The following NAALADL2 variants were observed in gnomAD, a reference collection of about 807,000 sequenced individuals.
The protein encoded by NAALADL2 is inactive N-acetylated-alpha-linked acidic dipeptidase-like protein 2.
Under a neutral mutation model 87.2 loss-of-function variants are expected in NAALADL2, and 76 were observed. That is an observed-to-expected ratio of 0.87 (90% CI 0.72 to 1.05). NAALADL2 has a LOEUF of 1.05. NAALADL2 is among the 50% of genes least tolerant of loss of function. The pLI, the probability that NAALADL2 is intolerant of heterozygous loss-of-function variation, is 0.00. For missense variants in NAALADL2, 1,089 were observed against 945.8 expected (o/e 1.15, Z -1.99); for synonymous variants, 354 against 331.0 (o/e 1.07, Z -0.75).
chr3:174,721,780 T>A lies in NAALADL2; in HGVS notation c.-114-15861T>A, dbSNP rs535438274. On this transcript the variant is annotated intron_variant, in intron 2 of 3. Transcript: ENST00000434257. Reference sequence around the variant, plus strand: ...CAGCCCAGAATACCGCAGGGTCACGTGGAGCACCAGCTGGAGTGTGCAAGG... The same window carrying A: ...CAGCCCAGAATACCGCAGGGTCACGAGGAGCACCAGCTGGAGTGTGCAAGG... Among the ~76,000 whole-genome samples the A allele has an allele frequency of 7.2e-5, 11 of 152,240 alleles. No homozygotes were observed. The South Asian group carries it at 1.9e-3, about 26-fold the overall frequency.
intron 4 of NAALADL2, among the ~76,000 whole-genome samples, chr3:175,303,783 GAA>G (rs543760472): frequency 1.3e-5 from 2 of 151,994 alleles, no homozygotes; most frequent in Non-Finnish European, 2.9e-5. Context: ...CAGTTTCTGT[GAA>G]AAAAATTTAC....
chr3:175,777,184 G>C (rs1280537091), intron 13 of NAALADL2, among the ~76,000 whole-genome samples: 2 of 151,640 alleles, frequency 1.3e-5, no homozygotes, highest in East Asian at 3.9e-4. Context: ...CTTTTTTTCT[G>C]TCATCTGTGA....
At chr3:175,009,019 A>G (rs1367490191) in intron 1 of NAALADL2, among the ~76,000 whole-genome samples, 2 of 152,206 alleles carry the variant, frequency 1.3e-5, no homozygotes, top group Non-Finnish European at 2.9e-5. Context: ...TGTAAAATCA[A>G]TCTGATGATG....
intron 10 of NAALADL2, among the ~76,000 whole-genome samples, chr3:175,589,222 G>T (rs926690762): frequency 2.0e-5 from 3 of 152,120 alleles, no homozygotes; most frequent in Admixed American, 2.0e-4. Flanking sequence ...ATCTTGCAGA[G>T]ATAACCCTGC....
chr3:174,955,057 A>C (rs1579707223), intron 1 of NAALADL2, among the ~76,000 whole-genome samples: 4 of 152,138 alleles, frequency 2.6e-5, no homozygotes, highest in African/African-American at 9.7e-5. Context: ...ACCTTTAGGA[A>C]ACGTAATTGA....
chr3:175,673,070 G>A (rs563709670), intron 11 of NAALADL2, among the ~76,000 whole-genome samples: 1 of 152,206 alleles, frequency 6.6e-6, no homozygotes, highest in African/African-American at 2.4e-5. Context: ...ATCTGCTCTT[G>A]CAAGGTTATT....
chr3:175,162,207 A>G (rs1377295538), intron 2 of NAALADL2, among the ~76,000 whole-genome samples: 1 of 152,180 alleles, frequency 6.6e-6, no homozygotes, highest in African/African-American at 2.4e-5. Flanking sequence ...AGGAATTAGT[A>G]TCATATTACC....
intron 13 of NAALADL2, among the ~76,000 whole-genome samples, chr3:175,795,675 T>A (rs9862412): frequency 0.025 from 3,789 of 148,946 alleles, 167 homozygotes; most frequent in African/African-American, 0.092. Flanking sequence ...ATAGCGAGAC[T>A]CTGTCTCAAA....
chr3:175,330,772 C>T (rs561357987), intron 5 of NAALADL2, among the ~76,000 whole-genome samples: 1 of 151,870 alleles, frequency 6.6e-6, no homozygotes, highest in South Asian at 2.1e-4. Flanking sequence ...TAAGCCAAAC[C>T]CATACTTAGT....
chr3:175,674,342 C>G (rs1734456404), intron 11 of NAALADL2, among the ~76,000 whole-genome samples: 4 of 151,560 alleles, frequency 2.6e-5, no homozygotes, highest in Admixed American at 2.0e-4. Context: ...TCACTGCAAG[C>G]TCCGCCTCCC....
At chr3:175,247,411 G>A (rs75987571) in intron 3 of NAALADL2, among the ~76,000 whole-genome samples, 171 of 152,258 alleles carry the variant, frequency 1.1e-3, no homozygotes, top group African/African-American at 3.9e-3. Flanking sequence ...TGGAGTGGTT[G>A]TAGTATTGAA....
At chr3:175,543,087 A>C (rs552761618) in intron 9 of NAALADL2, among the ~76,000 whole-genome samples, 4 of 152,342 alleles carry the variant, frequency 2.6e-5, no homozygotes, top group African/African-American at 9.6e-5. Flanking sequence ...TCTATGACAT[A>C]TTTAATTTCT....
At chr3:175,320,162 C>A (rs1203827629) in intron 4 of NAALADL2, among the ~76,000 whole-genome samples, 1 of 151,982 alleles carries the variant, frequency 6.6e-6, no homozygotes, top group Non-Finnish European at 1.5e-5. Flanking sequence ...ATAGAATTAG[C>A]AAATCATGAT....
intron 2 of NAALADL2, among the ~76,000 whole-genome samples, chr3:174,666,690 T>C (rs1725985935): frequency 6.6e-6 from 1 of 152,190 alleles, no homozygotes; most frequent in Non-Finnish European, 1.5e-5. Context: ...TTTTTAGTGG[T>C]GGTAAAATAT....
chr3:174,607,195 C>A (rs1272984318), intron 2 of NAALADL2, among the ~76,000 whole-genome samples: 3 of 151,950 alleles, frequency 2.0e-5, no homozygotes, highest in Non-Finnish European at 4.4e-5. Flanking sequence ...ACAACTGGTA[C>A]CAGCCGCTGC....
chr3:174,714,816 C>T lies in NAALADL2; in HGVS notation c.-114-22825C>T, dbSNP rs1259369467. Among the ~76,000 whole-genome samples, 5 of 152,222 alleles carry T rather than the reference C, an allele frequency of 3.3e-5. No individual in the cohort carries two copies. In the East Asian group the frequency reaches 9.7e-4, roughly 29 times the overall value. ...CCTTCTCCTGCCTGATTGCCCTGGCCAGAAATTCCAACACTATGTTGAATA... is the reference window on the plus strand; with the variant it reads ...CCTTCTCCTGCCTGATTGCCCTGGCTAGAAATTCCAACACTATGTTGAATA... On this transcript the variant is annotated intron_variant, in intron 2 of 3. Transcript: ENST00000434257.
chr3:175,457,196 C>T (rs555948651), intron 6 of NAALADL2, among the ~76,000 whole-genome samples: 3 of 152,052 alleles, frequency 2.0e-5, no homozygotes, highest in Admixed American at 2.0e-4. Context: ...TCTACCTGCC[C>T]CTACCATGAT....
chr3:174,869,686 G>A (rs966102457), intron 1 of NAALADL2, among the ~76,000 whole-genome samples: 1 of 152,096 alleles, frequency 6.6e-6, no homozygotes, highest in Non-Finnish European at 1.5e-5. Context: ...CGCAGCTGCA[G>A]TGAAGTTAGG....
intron 1 of NAALADL2, among the ~76,000 whole-genome samples, chr3:174,971,523 C>G (rs1743635738): frequency 6.6e-6 from 1 of 152,152 alleles, no homozygotes; most frequent in Non-Finnish European, 1.5e-5. Flanking sequence ...TCAGTCTCAA[C>G]TTCCTGTCCT....
Sources: gnomAD v4.1 joint callset for allele counts (sites outside exome capture counted in the v4.1 genomes callset) on GRCh38, gnomAD v4.1.1 for gene constraint, MANE v1.5 for transcripts, NCBI Gene and HGNC (gene_info 2026-07-23, HGNC 2026-07-21) for gene names.